The following CEP250 variants were observed in gnomAD, a reference collection of about 807,000 sequenced individuals.
CEP250 encodes the protein centrosomal protein 250, also known as centrosome-associated protein CEP250.
CEP250 carries 242 observed loss-of-function variants against 315.7 expected under a neutral mutation model. That is an observed-to-expected ratio of 0.77 (90% confidence interval 0.69 to 0.85). The LOEUF is 0.85. Among genes scored for constraint, CEP250 ranks in the 40% least tolerant of loss-of-function variants. The pLI, the probability that CEP250 is intolerant of heterozygous loss-of-function variation, is 0.00. For synonymous variants in CEP250, 1,088 were observed against 1,175.0 expected, an observed-to-expected ratio of 0.93 and a Z score of 1.51; for missense variants, 2,515 against 2,886.4, an observed-to-expected ratio of 0.87 and a Z score of 2.95.
At chr20:35,511,096 T>C (rs2064342353) in intron 34 of CEP250, among the ~76,000 whole-genome samples, 1 of 152,240 alleles carries the variant, frequency 6.6e-6, no homozygotes, top group Admixed American at 6.5e-5. Flanking sequence ...GTAAATTATC[T>C]TTCAGTGAAG....
chr20:35,503,883 A>T lies in CEP250; in HGVS notation c.5514A>T (p.Glu1838Asp), dbSNP rs1371200254. 6.2e-7 allele frequency: 1 copy of T among 1,613,760 alleles called. No individual in the cohort carries two copies. Among genetic ancestry groups the T allele is most frequent in the Non-Finnish European group, 8.5e-7 (1 of 1,179,830 alleles). Reference sequence around the variant, plus strand: ...AGGGACAGGAGGAGAGGGTGAAGGAAAAGGCAGACGCCCTCCAGGGAGCTC... The same window carrying T: ...AGGGACAGGAGGAGAGGGTGAAGGATAAGGCAGACGCCCTCCAGGGAGCTC... ...QAQGQEERVK[E>D]KADALQGALE... The change falls in exon 30 of 35, where the codon GAA becomes GAT. Residue 1838 changes from glutamate to aspartate, a missense_variant. Transcript: ENST00000397527. The surrounding 1 kb of genome is among the most constrained non-coding windows in gnomAD (Gnocchi z 4.2).
At chr20:35,489,394 A>C (rs1279040234) in intron 20 of CEP250, among the ~76,000 whole-genome samples, 1 of 152,252 alleles carries the variant, frequency 6.6e-6, no homozygotes, top group Non-Finnish European at 1.5e-5. Context: ...TGTGATGATG[A>C]TGCTGGCTGT....
intron 9 of CEP250, among the ~76,000 whole-genome samples, chr20:35,468,031 G>A (rs1173570773): frequency 7.2e-6 from 1 of 138,932 alleles, no homozygotes; most frequent in African/African-American, 2.8e-5. Flanking sequence ...TGCAACCTCT[G>A]CCTCCTGGGT....
intron 15 of CEP250, among the ~76,000 whole-genome samples, chr20:35,475,916 A>C (rs2063161116): frequency 6.6e-6 from 1 of 152,182 alleles, no homozygotes; most frequent in Non-Finnish European, 1.5e-5. Flanking sequence ...CATGTGCCTC[A>C]AAGTGTGTTT....
At chr20:35,500,272 T>C in intron 28 of CEP250, 103 bp downstream of exon 28, 1 of 1,433,234 alleles carries the variant, frequency 7.0e-7, no homozygotes. Flanking sequence ...TTTATTTTAT[T>C]TTATTTTTGA....
At chr20:35,455,927 C>T (rs2062610037) in intron 1 of CEP250, among the ~76,000 whole-genome samples, 176 bp downstream of exon 1, 1 of 152,192 alleles carries the variant, frequency 6.6e-6, no homozygotes, top group Non-Finnish European at 1.5e-5. Flanking sequence ...CGGAGTTTCG[C>T]GCTTGTTGCC....
At chr20:35,497,214 A>G (rs943848630) in intron 25 of CEP250, among the ~76,000 whole-genome samples, 1 of 152,190 alleles carries the variant, frequency 6.6e-6, no homozygotes, top group African/African-American at 2.4e-5. Flanking sequence ...AAGGGCACAC[A>G]GGTTTGGCTG....
In CEP250 at chr20:35,510,025, G is replaced by A; in HGVS notation, c.7036G>A (p.Ala2346Thr). 1 of 1,614,202 alleles carries A rather than the reference G, an allele frequency of 6.2e-7. No individual in the cohort carries two copies. Among genetic ancestry groups the A allele is most frequent in the South Asian group, 1.1e-5 (1 of 91,082 alleles). Residue 2346 changes from alanine (A) to threonine (T), a missense_variant, in exon 34 of 35, where the codon GCC becomes ACC. Ala to Thr is a moderately conservative substitution (Grantham distance 58). Coordinates refer to ENST00000397527, the MANE Select transcript of CEP250 (RefSeq NM_007186.6). ...TGGGAGAGGACAGAAGAACTCAGAT[G>A]CCAAGTGTGTGGCTGAACTGCAGAA... ...QDGRGQKNSD[A>T]KCVAELQKEV...
chr20:35,507,702 C>T, intron 30 of CEP250, 36 bp from the exon 31 acceptor site: 1 of 1,514,478 alleles, frequency 6.6e-7, no homozygotes, highest in South Asian at 1.2e-5. Context: ...ATGAGGTTGG[C>T]AAGGTGTGAT....
At chr20:35,463,965 G>T (rs1377993454) in intron 5 of CEP250, among the ~76,000 whole-genome samples, 1 of 152,218 alleles carries the variant, frequency 6.6e-6, no homozygotes, top group Non-Finnish European at 1.5e-5. Context: ...CTGCAGCAAA[G>T]GGATGTCTGT....
At chr20:35,484,682 C>T (rs1351800850) in intron 20 of CEP250, among the ~76,000 whole-genome samples, 4 of 151,778 alleles carry the variant, frequency 2.6e-5, no homozygotes, top group Non-Finnish European at 5.9e-5. Flanking sequence ...CTCCTGGGCT[C>T]AAGGGATCCT....
At chr20:35,505,047 CT>C (rs752155891) in intron 30 of CEP250, 42 bp downstream of exon 30, 1 of 1,507,662 alleles carries the variant, frequency 6.6e-7, no homozygotes, top group Non-Finnish European at 8.9e-7. Context: ...GGACACACCC[CT>C]GTCTGGCTGA....
intron 20 of CEP250, among the ~76,000 whole-genome samples, chr20:35,487,636 A>T (rs1381178322): frequency 6.6e-6 from 1 of 151,780 alleles, no homozygotes; most frequent in South Asian, 2.1e-4. Flanking sequence ...GAATAAATGC[A>T]TGGAGAAGTC....
chr20:35,485,563 T>C (rs1052253285), intron 20 of CEP250, among the ~76,000 whole-genome samples: 2 of 144,866 alleles, frequency 1.4e-5, no homozygotes, highest in Non-Finnish European at 3.0e-5. Flanking sequence ...CAATCATAGC[T>C]CACTGCAGCC....
At chr20:35,460,991 T>C (rs2062742782) in intron 3 of CEP250, among the ~76,000 whole-genome samples, 1 of 152,232 alleles carries the variant, frequency 6.6e-6, no homozygotes, top group East Asian at 1.9e-4. Context: ...TCTCTCTGTG[T>C]ATATAGCTAT....
chr20:35,483,839 T>A (rs2063427728), intron 20 of CEP250, among the ~76,000 whole-genome samples: 1 of 152,204 alleles, frequency 6.6e-6, no homozygotes, highest in African/African-American at 2.4e-5. Flanking sequence ...AGTTACTGAT[T>A]TTCCTTTTCA....
rs2064456087 is a variant in CEP250 at position 35,518,956 on chromosome 20, C to A, written c.*7330C>A. The A allele has an allele frequency of 6.6e-6, 1 of 151,702 alleles. No homozygotes were observed. The highest frequency in any genetic ancestry group is 1.5e-5 in the Non-Finnish European group (1 of 67,974). The allele number at this position is 151,702 out of a possible 1,614,324, so 9.4% of individuals were successfully genotyped here. On this transcript the variant is annotated 3_prime_UTR_variant, in exon 35 of 35. Coordinates refer to ENST00000397527, the MANE Select transcript of CEP250 (RefSeq NM_007186.6). ...GCTGAGGCAGGAGAATTGCTTGAAC[C>A]CAGGAGGCAGAGGTTGCAGTGAGCT...
intron 21 of CEP250, 89 bp downstream of exon 21, chr20:35,490,893 G>T: frequency 1.0e-5 from 15 of 1,460,266 alleles, no homozygotes; most frequent in Non-Finnish European, 1.4e-5. Flanking sequence ...GAGGAGTGCT[G>T]CAGAGGGGCT....
In CEP250 at chr20:35,469,923, T is replaced by C. The variant is rs765175211; in HGVS notation, c.885T>C (p.Ser295=). 13 of 1,613,730 alleles carry C rather than the reference T, an allele frequency of 8.1e-6. No individual in the cohort carries two copies. The highest frequency in any genetic ancestry group is 1.0e-5 in the Non-Finnish European group (12 of 1,179,854). The part of the protein sequence containing the change: ...VTELSALLTQ[S]QKQNEDYEKM... ...AGCTCTCTGCTCTGTTGACCCAGTC[T>C]CAGAAGCAAAATGAAGATTATGAAA... The change falls in exon 10 of 35, where the codon TCT becomes TCC. Residue 295 remains serine (S), a synonymous_variant. Coordinates refer to ENST00000397527, the MANE Select transcript of CEP250 (RefSeq NM_007186.6).
Sources: allele counts gnomAD v4.1 joint callset (sites outside exome capture counted in the v4.1 genomes callset), GRCh38; gene constraint gnomAD v4.1.1; non-coding constraint Gnocchi (gnomAD v3.1); transcripts MANE v1.5; gene names NCBI Gene and HGNC (gene_info 2026-07-23, HGNC 2026-07-21).